Variants in MBNL1 observed in about 807,000 individuals in gnomAD.
MBNL1 encodes muscleblind like splicing regulator 1.
A neutral mutation model predicts 42.2 loss-of-function variants in MBNL1; 8 were observed. The ratio of observed to expected loss-of-function variants is 0.19; its 90% CI spans 0.11 to 0.34. MBNL1 has a LOEUF of 0.34. Ranked by LOEUF, MBNL1 falls within the 10% of genes least tolerant of loss-of-function variation. MBNL1 has a pLI of 1.00. For missense variants in MBNL1, 309 were observed against 495.3 expected (o/e 0.62, Z 3.57); for synonymous variants, 169 against 173.9 (o/e 0.97, Z 0.22).
At chr3:152,372,281 C>T (rs368780937) in intron 2 of MBNL1, among the ~76,000 whole-genome samples, 1 of 152,072 alleles carries the variant, frequency 6.6e-6, no homozygotes, top group Admixed American at 6.5e-5. Flanking sequence ...ACCCACCTTC[C>T]GAAGCCTACT....
chr3:152,434,930 T>A (rs933864492), intron 4 of MBNL1, among the ~76,000 whole-genome samples: 1 of 152,226 alleles, frequency 6.6e-6, no homozygotes, highest in Non-Finnish European at 1.5e-5. Flanking sequence ...TCCTTACAGA[T>A]TCTAGATATT....
At chr3:152,365,966 C>A (rs1247077106) in intron 2 of MBNL1, among the ~76,000 whole-genome samples, 1 of 152,028 alleles carries the variant, frequency 6.6e-6, no homozygotes, top group Non-Finnish European at 1.5e-5. Flanking sequence ...TTAGGACAAA[C>A]ATGTAAAAAG....
chr3:152,424,563 G>GA (rs560245855), intron 3 of MBNL1, among the ~76,000 whole-genome samples: 18,793 of 133,718 alleles, frequency 0.14, 1,325 homozygotes, highest in African/African-American at 0.22. Context: ...CACAGAATTA[G>GA]AAAAAAAAAA....
chr3:152,428,337 T>A lies in MBNL1; in HGVS notation c.346-4380T>A, dbSNP rs1580275205. Among the ~76,000 whole-genome samples the A allele has an allele frequency of 2.6e-5, 4 of 152,290 alleles. No individual in the cohort carries two copies. In the South Asian group the frequency reaches 8.3e-4, roughly 32 times the overall value. ...AGCAAAAGTCTGCCCTCTAGGAGCC[T>A]CCAGTCTTGTCAGACTAGAGGAGAT... On this transcript the variant is annotated intron_variant, in intron 3 of 9. Coordinates refer to ENST00000324210, the MANE Select transcript of MBNL1 (RefSeq NM_021038.5).
At chr3:152,437,811 T>A (rs1163149940) in intron 4 of MBNL1, among the ~76,000 whole-genome samples, 1 of 151,412 alleles carries the variant, frequency 6.6e-6, no homozygotes, top group Non-Finnish European at 1.5e-5. Context: ...TCTCACACTG[T>A]TGCCCAGGCT....
intron 2 of MBNL1, among the ~76,000 whole-genome samples, chr3:152,327,174 A>G (rs1169603937): frequency 2.0e-5 from 3 of 151,956 alleles, no homozygotes; most frequent in Non-Finnish European, 2.9e-5. Flanking sequence ...CATTGTTCCT[A>G]TGGTAATATT....
chr3:152,361,335 G>A (rs2095927675), intron 2 of MBNL1, among the ~76,000 whole-genome samples: 2 of 151,772 alleles, frequency 1.3e-5, no homozygotes, highest in Admixed American at 1.3e-4. Flanking sequence ...GGAAACAGAA[G>A]ACAGAGAGGC....
At position 152,340,755 on chromosome 3, in the gene MBNL1, G is replaced by A. The variant is rs761801951; in HGVS notation, c.174+40388G>A. ...TCCGTGATGGCTGAGAAGCATCCAGGCCTGCTAACTCACTGAAGAAGAATC... is the reference window on the plus strand; with the variant it reads ...TCCGTGATGGCTGAGAAGCATCCAGACCTGCTAACTCACTGAAGAAGAATC... On this transcript the variant is annotated intron_variant, in intron 2 of 9. Coordinates refer to ENST00000324210, the MANE Select transcript of MBNL1 (RefSeq NM_021038.5). The A allele has an allele frequency of 1.6e-4, 265 of 1,613,898 alleles. 1 individual carries two copies. Among genetic ancestry groups the A allele is most frequent in the South Asian group, 8.5e-4 (77 of 91,086 alleles).
chr3:152,377,285 T>A (rs1284562578), intron 2 of MBNL1, among the ~76,000 whole-genome samples: 1 of 152,206 alleles, frequency 6.6e-6, no homozygotes, highest in Non-Finnish European at 1.5e-5. Flanking sequence ...GAATCTGGGT[T>A]GATTTGAAAC....
intron 9 of MBNL1, among the ~76,000 whole-genome samples, chr3:152,460,966 A>C (rs1391727924): frequency 6.6e-6 from 1 of 152,214 alleles, no homozygotes; most frequent in Admixed American, 6.5e-5. Flanking sequence ...GGTTTGAAGA[A>C]ATTTCTCTTA....
At chr3:152,410,439 A>G (rs185604404) in intron 2 of MBNL1, among the ~76,000 whole-genome samples, 2 of 152,378 alleles carry the variant, frequency 1.3e-5, no homozygotes, top group East Asian at 3.9e-4. Flanking sequence ...TGAAAAGTAC[A>G]GAAAAAATAT....
chr3:152,336,137 T>A (rs1238941536), intron 2 of MBNL1, among the ~76,000 whole-genome samples: 1 of 147,980 alleles, frequency 6.8e-6, no homozygotes, highest in Non-Finnish European at 1.5e-5. Flanking sequence ...TGATCTTATG[T>A]AAGATACTTT....
At chr3:152,415,163 G>C (rs776451756) in intron 3 of MBNL1, 52 bp downstream of exon 3, 1 of 1,484,038 alleles carries the variant, frequency 6.7e-7, no homozygotes, top group African/African-American at 1.4e-5. Context: ...AAAGTGCTCA[G>C]TTGTAGTACT....
chr3:152,451,818 T>TGGGAA, intron 6 of MBNL1, among the ~76,000 whole-genome samples: 1 of 152,206 alleles, frequency 6.6e-6, no homozygotes, highest in Non-Finnish European at 1.5e-5. Flanking sequence ...CTACATTATC[T>TGGGAA]CATTTTTTTT....
intron 3 of MBNL1, among the ~76,000 whole-genome samples, chr3:152,429,943 G>C (rs1320102599): frequency 6.6e-6 from 1 of 152,184 alleles, no homozygotes; most frequent in Non-Finnish European, 1.5e-5. Flanking sequence ...TTGCTGAATA[G>C]TTGATGTTTC....
At chr3:152,374,220 C>G (rs1477290040) in intron 2 of MBNL1, among the ~76,000 whole-genome samples, 1 of 152,128 alleles carries the variant, frequency 6.6e-6, no homozygotes, top group Non-Finnish European at 1.5e-5. Context: ...TGCAAATCAT[C>G]TACTTTTTAA....
chr3:152,264,995 A>G (rs903211266), upstream of MBNL1: 1 of 152,126 alleles, frequency 6.6e-6, no homozygotes, highest in Non-Finnish European at 1.5e-5. Flanking sequence ...TGTGTATGAA[A>G]TATATAAAGG....
chr3:152,376,225 T>G (rs2096892153), intron 2 of MBNL1, among the ~76,000 whole-genome samples: 1 of 152,210 alleles, frequency 6.6e-6, no homozygotes, highest in Admixed American at 6.5e-5. Flanking sequence ...CTATTTATGA[T>G]AGAAATATTT....
chr3:152,463,360 T>G lies in MBNL1; in HGVS notation c.*994T>G, dbSNP rs889895697. 1.1e-4 allele frequency: 16 copies of G among 152,372 alleles called. No homozygotes were observed. Among genetic ancestry groups the G allele is most frequent in the African/African-American group, 3.6e-4 (15 of 41,420 alleles). The allele number at this position is 152,372 out of a possible 1,614,324, so 9.4% of individuals were successfully genotyped here. On this transcript the variant is annotated 3_prime_UTR_variant, in exon 10 of 10. Coordinates refer to ENST00000324210, the MANE Select transcript of MBNL1 (RefSeq NM_021038.5). Reference sequence around the variant, plus strand: ...GTTATTCAAAAGGGATTGCCATTTCTGAGACACAGTAACAAAAAAATGAGG... The same window carrying G: ...GTTATTCAAAAGGGATTGCCATTTCGGAGACACAGTAACAAAAAAATGAGG...
Sources: gnomAD v4.1 joint callset for allele counts (sites outside exome capture counted in the v4.1 genomes callset) on GRCh38, gnomAD v4.1.1 for gene constraint, MANE v1.5 for transcripts, NCBI Gene and HGNC (gene_info 2026-07-23, HGNC 2026-07-21) for gene names.